The following GABRG1 variants were observed in gnomAD, a reference collection of about 807,000 sequenced individuals.
GABRG1 encodes gamma-aminobutyric acid receptor subunit gamma-1.
In GABRG1, 49 loss-of-function variants were observed where a neutral mutation model predicts 49.8. The ratio of observed to expected loss-of-function variants is 0.98; its 90% confidence interval spans 0.78 to 1.25. The LOEUF (loss-of-function observed/expected upper bound fraction) is 1.25. GABRG1 is among the 50% of genes most tolerant of loss of function. GABRG1 has a pLI of 0.00. For missense variants in GABRG1, 552 were observed against 552.3 expected, an observed-to-expected ratio of 1.00 and a Z score of 0.01; for synonymous variants, 232 against 185.1, an observed-to-expected ratio of 1.25 and a Z score of -2.06.
intron 3 of GABRG1, among the ~76,000 whole-genome samples, chr4:46,081,066 C>T (rs1367600870): frequency 6.6e-6 from 1 of 151,420 alleles, no homozygotes; most frequent in Non-Finnish European, 1.5e-5. Flanking sequence ...CCCTTGGTTT[C>T]CACGTCATTG....
In GABRG1 at chr4:46,051,645, A is replaced by G. The variant is rs756462712; in HGVS notation, c.917-7T>C. 5 of 1,536,332 alleles carry G rather than the reference A, an allele frequency of 3.3e-6. No individual in the cohort carries two copies. Among genetic ancestry groups the G allele is most frequent in the Admixed American group, 1.8e-5 (1 of 54,246 alleles). On this transcript the variant is annotated splice_polypyrimidine_tract_variant and splice_region_variant and intron_variant, in intron 7 of 8. Transcript: ENST00000295452. Reference sequence around the variant, plus strand: ...GTCAGAACTGTAGTGATACCTATAGAGAGAGGAAACAAAACAGGAAATGAA... The same window carrying G: ...GTCAGAACTGTAGTGATACCTATAGGGAGAGGAAACAAAACAGGAAATGAA...
chr4:46,097,498 C>G, intron 1 of GABRG1, 149 bp from the exon 2 acceptor site: 3 of 651,560 alleles, frequency 4.6e-6, no homozygotes, highest in Non-Finnish European at 7.2e-6. Context: ...AAGACCAATA[C>G]ATTTGTCATA....
Position 46,062,864 on chromosome 4 carries a change from T to C in GABRG1, c.625+1577A>G, listed in dbSNP as rs1464791030. ...TGTACAAAAATCACAAGCATTCTTA[T>C]ACACCAATAACAGACAAACAGAGAG... On this transcript the variant is annotated intron_variant, in intron 5 of 8. Coordinates refer to ENST00000295452, the MANE Select transcript of GABRG1 (RefSeq NM_173536.4). Among the ~76,000 whole-genome samples, 3 of 152,150 alleles carry C rather than the reference T, an allele frequency of 2.0e-5. No homozygotes were observed. The South Asian group carries it at 6.2e-4, about 32-fold the overall frequency.
At chr4:46,041,748 C>G (rs1159952308) in intron 8 of GABRG1, among the ~76,000 whole-genome samples, 3 of 151,848 alleles carry the variant, frequency 2.0e-5, no homozygotes, top group Non-Finnish European at 4.4e-5. Flanking sequence ...GCACAAGGCA[C>G]CATATTTGGG....
chr4:46,041,718 A>G (rs1717794257), intron 8 of GABRG1, among the ~76,000 whole-genome samples: 1 of 152,072 alleles, frequency 6.6e-6, no homozygotes, highest in Non-Finnish European at 1.5e-5. Context: ...AAAAAAAGTT[A>G]TGGGGTTTGT....
intron 3 of GABRG1, among the ~76,000 whole-genome samples, chr4:46,071,859 A>T (rs561715101): frequency 6.6e-6 from 1 of 152,196 alleles, no homozygotes; most frequent in Non-Finnish European, 1.5e-5. Flanking sequence ...TAAAAAATTC[A>T]GTAAGCTGAT....
chr4:46,048,561 C>A (rs1718092773), intron 8 of GABRG1, among the ~76,000 whole-genome samples: 1 of 133,738 alleles, frequency 7.5e-6, no homozygotes, highest in Admixed American at 8.4e-5. Flanking sequence ...CGACTCTTTA[C>A]AATTGTTTAA....
chr4:46,065,780 T>G, intron 3 of GABRG1, among the ~76,000 whole-genome samples, 196 bp from the exon 4 acceptor site: 1 of 152,122 alleles, frequency 6.6e-6, no homozygotes, highest in East Asian at 1.9e-4. Flanking sequence ...CGGAGTGCAG[T>G]GATGCAATCT....
intron 1 of GABRG1, among the ~76,000 whole-genome samples, chr4:46,110,829 A>T (rs1429875394): frequency 6.6e-6 from 1 of 151,154 alleles, no homozygotes; most frequent in Non-Finnish European, 1.5e-5. Context: ...TCAAGAAACT[A>T]AGACTTGAAG....
At chr4:46,112,852 G>A (rs1720762289) in intron 1 of GABRG1, among the ~76,000 whole-genome samples, 3 of 150,834 alleles carry the variant, frequency 2.0e-5, no homozygotes, top group African/African-American at 7.3e-5. Flanking sequence ...TCGCTGATGG[G>A]ATTATTCCTA....
At chr4:46,100,834 T>G (rs576866168) in intron 1 of GABRG1, among the ~76,000 whole-genome samples, 27 of 150,874 alleles carry the variant, frequency 1.8e-4, no homozygotes, top group African/African-American at 5.6e-4. Flanking sequence ...AATATGAAAA[T>G]TGACCTCAAA....
chr4:46,063,884 C>T (rs888289842), intron 5 of GABRG1, among the ~76,000 whole-genome samples: 5 of 152,036 alleles, frequency 3.3e-5, no homozygotes, highest in Admixed American at 6.6e-5. Context: ...AGAATATACC[C>T]GGTTTTTATA....
chr4:46,089,644 G>T (rs1359251451), intron 2 of GABRG1, among the ~76,000 whole-genome samples: 1 of 152,176 alleles, frequency 6.6e-6, no homozygotes, highest in East Asian at 1.9e-4. Flanking sequence ...GAAAGTCATA[G>T]AATCTACTTG....
At chr4:46,079,493 T>C (rs1719483161) in intron 3 of GABRG1, among the ~76,000 whole-genome samples, 2 of 151,992 alleles carry the variant, frequency 1.3e-5, no homozygotes, top group Admixed American at 6.6e-5. Flanking sequence ...AATTAAGTTC[T>C]GCAGATGCGA....
chr4:46,117,661 CGTATATAGCTGTATATATATACACAT>C (rs959469968), intron 1 of GABRG1, among the ~76,000 whole-genome samples: 2 of 131,530 alleles, frequency 1.5e-5, no homozygotes, highest in African/African-American at 5.6e-5. Context: ...TATGTATATA[CGTATATAGCTGTATATATATACACAT>C]GTATATAGCT....
intron 1 of GABRG1, among the ~76,000 whole-genome samples, chr4:46,117,662 G>T (rs1457717004): frequency 7.7e-6 from 1 of 129,192 alleles, no homozygotes; most frequent in African/African-American, 2.8e-5. Context: ...ATGTATATAC[G>T]TATATAGCTG....
At chr4:46,056,391 T>G (rs1003267816) in intron 7 of GABRG1, among the ~76,000 whole-genome samples, 5 of 151,964 alleles carry the variant, frequency 3.3e-5, no homozygotes, top group Middle Eastern at 3.2e-3. Context: ...GCCTGGAATA[T>G]CTTTCTGCCC....
intron 1 of GABRG1, among the ~76,000 whole-genome samples, chr4:46,115,931 T>C (rs990363936): frequency 1.3e-5 from 2 of 149,628 alleles, no homozygotes; most frequent in African/African-American, 2.5e-5. Context: ...GGCATGTTTT[T>C]AGAAAGAGGA....
intron 5 of GABRG1, 152 bp from the exon 6 acceptor site, chr4:46,058,774 A>T: frequency 3.2e-6 from 2 of 623,498 alleles, no homozygotes; most frequent in Non-Finnish European, 5.5e-6. Context: ...AAATATTAAT[A>T]AGCAGAGTTT....
Sources: gnomAD v4.1 joint callset for allele counts (sites outside exome capture counted in the v4.1 genomes callset) on GRCh38, gnomAD v4.1.1 for gene constraint, MANE v1.5 for transcripts, NCBI Gene and HGNC (gene_info 2026-07-23, HGNC 2026-07-21) for gene names.